Variants in L3MBTL4 observed in about 807,000 individuals in gnomAD.
The protein encoded by L3MBTL4 is lethal(3)malignant brain tumor-like protein 4.
L3MBTL4 carries 70 observed loss-of-function variants against 84.5 expected under a neutral mutation model. The observed-to-expected ratio is 0.83, with a 90% CI of 0.68 to 1.01. The LOEUF (loss-of-function observed/expected upper bound fraction) is 1.01, where lower values mean the gene tolerates loss of function less well. Ranked by LOEUF, L3MBTL4 falls within the 50% of genes least tolerant of loss-of-function variation. The pLI, the probability that L3MBTL4 is intolerant of heterozygous loss-of-function variation, is 0.00. For missense variants in L3MBTL4, 715 were observed against 754.8 expected (o/e 0.95, Z 0.62); for synonymous variants, 274 against 259.8 (o/e 1.05, Z -0.52).
intron 1 of L3MBTL4, among the ~76,000 whole-genome samples, chr18:6,343,857 A>C (rs2052736309): frequency 6.6e-6 from 1 of 152,064 alleles, no homozygotes; most frequent in South Asian, 2.1e-4. Context: ...GAGACAAACA[A>C]ATATGGAAAC....
At chr18:6,135,760 A>C (rs537097716) in intron 14 of L3MBTL4, among the ~76,000 whole-genome samples, 2 of 152,318 alleles carry the variant, frequency 1.3e-5, no homozygotes, top group African/African-American at 4.8e-5. Flanking sequence ...TCCAAACTTT[A>C]CCACATTTTC....
chr18:6,288,951 TC>T (rs1001388255), intron 4 of L3MBTL4, among the ~76,000 whole-genome samples: 5 of 151,844 alleles, frequency 3.3e-5, no homozygotes, highest in African/African-American at 1.2e-4. Context: ...TAAATATAAG[TC>T]CCTTCTTGCG....
intron 3 of L3MBTL4, among the ~76,000 whole-genome samples, chr18:6,306,574 T>C (rs2050596102): frequency 6.6e-6 from 1 of 152,156 alleles, no homozygotes. Flanking sequence ...TTTAAGGATA[T>C]TACAGAAAGA....
chr18:6,106,623 G>A (rs9958707), intron 14 of L3MBTL4, among the ~76,000 whole-genome samples: 1 of 152,106 alleles, frequency 6.6e-6, no homozygotes, highest in South Asian at 2.1e-4. Context: ...AGAAGAGAGA[G>A]CCTTGACTTT....
At chr18:6,035,605 T>C (rs979941771) in intron 16 of L3MBTL4, among the ~76,000 whole-genome samples, 1 of 152,232 alleles carries the variant, frequency 6.6e-6, no homozygotes, top group Non-Finnish European at 1.5e-5. Context: ...TTTGTTCTTT[T>C]GGCTTAGGAT....
At chr18:6,034,440 T>C (rs1401526504) in intron 16 of L3MBTL4, among the ~76,000 whole-genome samples, 1 of 152,210 alleles carries the variant, frequency 6.6e-6, no homozygotes, top group Non-Finnish European at 1.5e-5. Flanking sequence ...GAATGATGAT[T>C]TGCAATTTCA....
chr18:6,156,696 G>A (rs2043119086), intron 13 of L3MBTL4, among the ~76,000 whole-genome samples: 1 of 152,172 alleles, frequency 6.6e-6, no homozygotes, highest in African/African-American at 2.4e-5. Context: ...GTGAGAATCT[G>A]GCGAGCCTTA....
chr18:6,227,960 C>T (rs1748630937), intron 10 of L3MBTL4, among the ~76,000 whole-genome samples: 1 of 152,140 alleles, frequency 6.6e-6, no homozygotes, highest in Non-Finnish European at 1.5e-5. Context: ...AGCCATCATG[C>T]CAGGACAAGA....
intron 12 of L3MBTL4, among the ~76,000 whole-genome samples, chr18:6,186,708 G>A (rs543726634): frequency 2.0e-5 from 3 of 152,258 alleles, no homozygotes; most frequent in South Asian, 4.1e-4. Context: ...ACCAGCAAAC[G>A]CACCTTCCTT....
chr18:5,982,080 A>G (rs966354976), intron 16 of L3MBTL4, among the ~76,000 whole-genome samples: 3 of 152,076 alleles, frequency 2.0e-5, no homozygotes, highest in Non-Finnish European at 2.9e-5. Context: ...AGTAACTTGC[A>G]TAAGTTAAAG....
At chr18:6,193,583 C>T (rs935951094) in intron 12 of L3MBTL4, among the ~76,000 whole-genome samples, 7 of 152,178 alleles carry the variant, frequency 4.6e-5, no homozygotes, top group East Asian at 1.9e-4. Flanking sequence ...AGAGCCGGGA[C>T]GGGGCAGAGT....
intron 1 of L3MBTL4, among the ~76,000 whole-genome samples, chr18:6,384,904 C>T (rs967167775): frequency 1.3e-5 from 2 of 152,050 alleles, no homozygotes; most frequent in South Asian, 4.1e-4. Context: ...AAGGACAACT[C>T]GTAGAGACAT....
At chr18:6,038,251 CTTTT>C (rs34580980) in intron 16 of L3MBTL4, among the ~76,000 whole-genome samples, 2 of 97,856 alleles carry the variant, frequency 2.0e-5, no homozygotes, top group South Asian at 4.0e-4. Context: ...ATTTCTGGAT[CTTTT>C]TTTTTTTTTT....
intron 10 of L3MBTL4, among the ~76,000 whole-genome samples, chr18:6,232,615 G>A (rs1257871987): frequency 2.0e-5 from 3 of 151,928 alleles, no homozygotes; most frequent in African/African-American, 4.8e-5. Flanking sequence ...TATGAAGCAG[G>A]AGTCATGAAT....
At chr18:6,109,948 C>T (rs1485048316) in intron 14 of L3MBTL4, among the ~76,000 whole-genome samples, 1 of 152,110 alleles carries the variant, frequency 6.6e-6, no homozygotes, top group Non-Finnish European at 1.5e-5. Flanking sequence ...CTGATAGACT[C>T]TGGATCTGGA....
chr18:6,415,079 T>A (rs1354755450), upstream of L3MBTL4: 1 of 151,980 alleles, frequency 6.6e-6, no homozygotes, highest in African/African-American at 2.4e-5. Flanking sequence ...GGGAGGGAGG[T>A]GGCTGCGGCG....
chr18:6,126,295 T>C (rs931120882), intron 14 of L3MBTL4, among the ~76,000 whole-genome samples: 1 of 152,204 alleles, frequency 6.6e-6, no homozygotes, highest in Non-Finnish European at 1.5e-5. Context: ...TTTAAAATAA[T>C]GTATAATTGC....
chr18:6,163,969 G>T (rs899691411), intron 13 of L3MBTL4, among the ~76,000 whole-genome samples: 1 of 152,166 alleles, frequency 6.6e-6, no homozygotes, highest in African/African-American at 2.4e-5. Context: ...GGAAAATCGG[G>T]TCACTCCCAC....
chr18:6,298,469 C>T (rs184766094), intron 4 of L3MBTL4, among the ~76,000 whole-genome samples: 43 of 152,160 alleles, frequency 2.8e-4, no homozygotes, highest in African/African-American at 7.2e-4. Flanking sequence ...TGTTGTTTCC[C>T]TTTTAATCTT....
Sources: gnomAD v4.1 joint callset for allele counts (sites outside exome capture counted in the v4.1 genomes callset) on GRCh38, gnomAD v4.1.1 for gene constraint, MANE v1.5 for transcripts, NCBI Gene and HGNC (gene_info 2026-07-23, HGNC 2026-07-21) for gene names.